PCDHA3: variants seen among roughly 807,000 people sequenced by gnomAD.
The protein encoded by PCDHA3 is protocadherin alpha 3.
Under a neutral mutation model 62.2 loss-of-function variants are expected in PCDHA3, and 41 were observed. That is an observed-to-expected ratio of 0.66 (90% CI 0.51 to 0.86). The LOEUF is 0.86. Ranked by LOEUF, PCDHA3 falls within the 40% of genes least tolerant of loss-of-function variation. The probability of loss-of-function intolerance (pLI) is 0.00; values close to 1 mark genes in which losing one functional copy is unlikely to be tolerated. For synonymous variants in PCDHA3, 640 were observed against 555.4 expected (o/e 1.15, Z -2.14); for missense variants, 1,304 against 1,241.2 (o/e 1.05, Z -0.76).
At chr5:140,967,113 G>T in intron 1 of PCDHA3, 1 of 1,612,880 alleles carries the variant, frequency 6.2e-7, no homozygotes, top group Non-Finnish European at 8.5e-7. Flanking sequence ...CAGCGGCCTC[G>T]CTGCCTGCTC....
intron 3 of PCDHA3, among the ~76,000 whole-genome samples, chr5:140,982,945 G>A (rs2097017253): frequency 6.6e-6 from 1 of 151,722 alleles, no homozygotes; most frequent in Non-Finnish European, 1.5e-5. Flanking sequence ...TTTGGTTGAA[G>A]ACTATGGAAA....
At chr5:140,877,504 A>G (rs532509235) in intron 1 of PCDHA3, 1 of 1,613,764 alleles carries the variant, frequency 6.2e-7, no homozygotes, top group South Asian at 1.1e-5. Context: ...GGCCCCAAAG[A>G]CGTCGTCGCG....
At chr5:140,808,208 G>A in intron 1 of PCDHA3, 2 of 1,614,260 alleles carry the variant, frequency 1.2e-6, no homozygotes, top group Non-Finnish European at 1.7e-6. Context: ...TGTGGAAGTA[G>A]AAGACAACAA....
At chr5:141,003,307 C>T (rs2153977029) in intron 3 of PCDHA3, among the ~76,000 whole-genome samples, 1 of 152,252 alleles carries the variant, frequency 6.6e-6, no homozygotes. Flanking sequence ...ATGAAGTGGC[C>T]AGCTACTTCC....
At chr5:140,881,579 C>A (rs1299755224) in intron 1 of PCDHA3, among the ~76,000 whole-genome samples, 1 of 152,168 alleles carries the variant, frequency 6.6e-6, no homozygotes, top group Non-Finnish European at 1.5e-5. Context: ...TCTCAAGTCA[C>A]ATTGAGGGAA....
At chr5:140,891,827 A>G (rs943963989) in intron 1 of PCDHA3, among the ~76,000 whole-genome samples, 1 of 152,212 alleles carries the variant, frequency 6.6e-6, no homozygotes, top group Non-Finnish European at 1.5e-5. Flanking sequence ...ACGGCACTGT[A>G]AAAGGACTTG....
Position 140,983,978 on chromosome 5 carries a change from G to A in PCDHA3, c.2542+1415G>A, listed in dbSNP as rs529150173. Among the ~76,000 whole-genome samples the A allele has an allele frequency of 5.3e-5, 8 of 152,266 alleles. No individual in the cohort carries two copies. The South Asian group carries it at 1.5e-3, about 28-fold the overall frequency. Reference sequence around the variant, plus strand: ...AGTCACATTTGTCCAAAAAATATACGAGTTGAAGCAATTCATTAGAGAGCT... The same window carrying A: ...AGTCACATTTGTCCAAAAAATATACAAGTTGAAGCAATTCATTAGAGAGCT... On this transcript the variant is annotated intron_variant, in intron 3 of 3. Transcript: ENST00000522353.
chr5:140,869,853 C>A (rs1408875478), intron 1 of PCDHA3: 1 of 1,610,606 alleles, frequency 6.2e-7, no homozygotes, highest in Admixed American at 1.7e-5. Context: ...ATAAGGTGAG[C>A]CTTATGGAAA....
chr5:140,866,320 C>T (rs1351694984), intron 1 of PCDHA3: 2 of 152,154 alleles, frequency 1.3e-5, no homozygotes, highest in African/African-American at 2.4e-5. Context: ...ATTTCAGGGA[C>T]CCTGAACTTG....
intron 1 of PCDHA3, chr5:140,824,242 G>A: frequency 1.3e-6 from 2 of 1,484,524 alleles, no homozygotes; most frequent in East Asian, 2.3e-5. Flanking sequence ...AAATATTGTG[G>A]TACACAATTA....
At chr5:140,966,569 G>A in intron 1 of PCDHA3, 1 of 500,346 alleles carries the variant, frequency 2.0e-6, no homozygotes, top group Non-Finnish European at 3.3e-6. Flanking sequence ...TGGAATATGG[G>A]GAGTCAGCGA....
chr5:140,948,517 C>A (rs2094265494), intron 1 of PCDHA3, among the ~76,000 whole-genome samples: 1 of 151,496 alleles, frequency 6.6e-6, no homozygotes. Flanking sequence ...AAAATGTTAA[C>A]ACTATTTATA....
At chr5:140,824,120 C>G in intron 1 of PCDHA3, 1 of 1,613,896 alleles carries the variant, frequency 6.2e-7, no homozygotes, top group Non-Finnish European at 8.5e-7. Context: ...CCCACCTCTA[C>G]AGACAACGTG....
At chr5:140,936,244 T>C (rs879962489) in intron 1 of PCDHA3, among the ~76,000 whole-genome samples, 13 of 152,192 alleles carry the variant, frequency 8.5e-5, no homozygotes, top group Non-Finnish European at 1.6e-4. Context: ...AGAAAACATA[T>C]CCTGCTTCAA....
intron 1 of PCDHA3, chr5:140,856,628 G>C (rs782445037): frequency 1.9e-6 from 3 of 1,598,180 alleles, no homozygotes; most frequent in East Asian, 4.5e-5. Context: ...CCCAGTGCTT[G>C]TTCTGCGGAA....
intron 1 of PCDHA3, chr5:140,835,552 C>A (rs550090383): frequency 6.2e-7 from 1 of 1,613,824 alleles, no homozygotes; most frequent in Non-Finnish European, 8.5e-7. Flanking sequence ...TGCTCCCTGA[C>A]GCCCCGCGTT....
At chr5:140,967,702 C>T (rs1563368615) in intron 1 of PCDHA3, 3 of 1,614,162 alleles carry the variant, frequency 1.9e-6, no homozygotes, top group Middle Eastern at 3.3e-4. Flanking sequence ...GCATAGATGC[C>T]AGTACCGGGG....
At chr5:140,901,583 T>A (rs530803677) in intron 1 of PCDHA3, among the ~76,000 whole-genome samples, 6 of 152,222 alleles carry the variant, frequency 3.9e-5, no homozygotes, top group Non-Finnish European at 8.8e-5. Flanking sequence ...GCCAGTGCCA[T>A]GATGTTTTGG....
chr5:140,969,147 A>G (rs781909774), intron 1 of PCDHA3: 1 of 1,614,172 alleles, frequency 6.2e-7, no homozygotes, highest in Non-Finnish European at 8.5e-7. Flanking sequence ...TACTGCTACA[A>G]GGCCTGTCTG....
Sources: gnomAD v4.1 joint callset for allele counts (sites outside exome capture counted in the v4.1 genomes callset) on GRCh38, gnomAD v4.1.1 for gene constraint, MANE v1.5 for transcripts, NCBI Gene and HGNC (gene_info 2026-07-23, HGNC 2026-07-21) for gene names.